The following SPAG17 variants were observed in gnomAD, a reference collection of about 807,000 sequenced individuals.
SPAG17 encodes sperm-associated antigen 17.
SPAG17 carries 169 observed loss-of-function variants against 273.6 expected under a neutral mutation model. That is an observed-to-expected ratio of 0.62 (90% CI 0.55 to 0.70). SPAG17 has a LOEUF of 0.70. Among genes scored for constraint, SPAG17 ranks in the 30% least tolerant of loss-of-function variants. The pLI, the probability that SPAG17 is intolerant of heterozygous loss-of-function variation, is 0.00. For synonymous variants in SPAG17, 825 were observed against 873.2 expected (o/e 0.94, Z 0.97); for missense variants, 2,557 against 2,627.8 (o/e 0.97, Z 0.59).
intron 22 of SPAG17, 65 bp from the exon 23 acceptor site, chr1:118,039,509 A>G: frequency 6.6e-7 from 1 of 1,505,518 alleles, no homozygotes. Flanking sequence ...CCTCGACAAG[A>G]TGGTTACACA....
intron 1 of SPAG17, among the ~76,000 whole-genome samples, chr1:118,168,275 C>A (rs1660263549): frequency 1.3e-5 from 2 of 151,774 alleles, no homozygotes; most frequent in African/African-American, 4.8e-5. Flanking sequence ...GACTACTCTG[C>A]AAAGAATAGG....
At chr1:118,093,900 T>C (rs376556224) in intron 7 of SPAG17, among the ~76,000 whole-genome samples, 15 of 152,356 alleles carry the variant, frequency 9.8e-5, no homozygotes, top group African/African-American at 3.4e-4. Flanking sequence ...ATTGCTTCTA[T>C]AATACCCACA....
chr1:117,956,417 C>G (rs1360109940), intron 48 of SPAG17, among the ~76,000 whole-genome samples: 2 of 152,086 alleles, frequency 1.3e-5, no homozygotes, highest in Non-Finnish European at 2.9e-5. Context: ...ATATTCCTTA[C>G]AAGAAACAAC....
chr1:118,066,628 T>C lies in SPAG17; in HGVS notation c.2540+117A>G, dbSNP rs1571393934. 1.9e-5 allele frequency: 15 copies of C among 790,134 alleles called. No homozygotes were observed. The East Asian group carries it at 3.9e-4, about 21-fold the overall frequency. The allele number at this position is 790,134 out of a possible 1,614,324, so 48.9% of individuals were successfully genotyped here. A position where few individuals can be genotyped will look rare whatever the true frequency, so the allele number is the denominator to read the frequency against. ...TTGAATCTATAGTACTACACAAATGTTTTCATTGAGCTGAACCCCCTAGCT... is the reference window on the plus strand; with the variant it reads ...TTGAATCTATAGTACTACACAAATGCTTTCATTGAGCTGAACCCCCTAGCT... On this transcript the variant is annotated intron_variant, in intron 18 of 48. Coordinates refer to ENST00000336338, the MANE Select transcript of SPAG17 (RefSeq NM_206996.4).
At chr1:117,959,271 A>G in intron 48 of SPAG17, 1 of 1,595,266 alleles carries the variant, frequency 6.3e-7, no homozygotes. Context: ...ATTTTTTAAT[A>G]TTTCTTGTAT....
chr1:118,154,194 T>A (rs1249472887), intron 1 of SPAG17, among the ~76,000 whole-genome samples: 2 of 152,022 alleles, frequency 1.3e-5, no homozygotes, highest in African/African-American at 4.8e-5. Context: ...GTCTTAAGAG[T>A]CGAGCTCTGT....
intron 43 of SPAG17, among the ~76,000 whole-genome samples, chr1:117,978,998 G>C (rs968007085): frequency 5.9e-5 from 9 of 152,066 alleles, no homozygotes; most frequent in African/African-American, 2.2e-4. Flanking sequence ...CTCCTGAGTA[G>C]CTGGGATTAC....
chr1:117,974,713 G>A (rs535603071), intron 43 of SPAG17, among the ~76,000 whole-genome samples: 16 of 152,296 alleles, frequency 1.1e-4, no homozygotes, highest in Non-Finnish European at 2.2e-4. Flanking sequence ...TGCAGCAGTA[G>A]CTGTGTGTCT....
intron 1 of SPAG17, among the ~76,000 whole-genome samples, chr1:118,177,078 A>G (rs1660729173): frequency 6.6e-6 from 1 of 152,210 alleles, no homozygotes; most frequent in Non-Finnish European, 1.5e-5. Flanking sequence ...ATTGGAATAC[A>G]CTTGTATCCA....
At chr1:117,967,495 CTCA>C (rs1171342975) in intron 46 of SPAG17, among the ~76,000 whole-genome samples, 1 of 152,040 alleles carries the variant, frequency 6.6e-6, no homozygotes, top group Non-Finnish European at 1.5e-5. Context: ...GCAAAAAAAT[CTCA>C]TCATGTTTTA....
At chr1:117,957,131 T>A in intron 48 of SPAG17, 1 of 1,612,828 alleles carries the variant, frequency 6.2e-7, no homozygotes, top group African/African-American at 1.3e-5. Flanking sequence ...TTAAACTCTT[T>A]AACGAATTCA....
chr1:118,150,983 T>C lies in SPAG17; in HGVS notation c.228+246A>G, dbSNP rs148070417. Among the ~76,000 whole-genome samples, 332 of 152,328 alleles carry C rather than the reference T, an allele frequency of 2.2e-3. 2 individuals carry two copies. The highest frequency in any genetic ancestry group is 7.6e-3 in the African/African-American group (314 of 41,582). On this transcript the variant is annotated intron_variant, in intron 2 of 48. Transcript: ENST00000336338. ...AAATATTTTGTCACAGAACCTAGCATGGTGCCTGGTATGACCTCAGAAATC... is the reference window on the plus strand; with the variant it reads ...AAATATTTTGTCACAGAACCTAGCACGGTGCCTGGTATGACCTCAGAAATC...
chr1:118,167,938 C>T (rs1039662117), intron 1 of SPAG17, among the ~76,000 whole-genome samples: 1 of 152,178 alleles, frequency 6.6e-6, no homozygotes, highest in African/African-American at 2.4e-5. Context: ...TGGCATCTCT[C>T]CGCTCACTCT....
intron 24 of SPAG17, among the ~76,000 whole-genome samples, chr1:118,034,483 C>A (rs559020844): frequency 6.6e-6 from 1 of 152,182 alleles, no homozygotes; most frequent in Non-Finnish European, 1.5e-5. Context: ...ATAGGCAATT[C>A]TCACTCACCT....
chr1:118,101,878 ATTTTGCT>A lies in SPAG17; in HGVS notation c.489_495del (p.Lys163AsnfsTer28). ...CTTGGAGCCTTTTTCTCCTTGGGAG[ATTTTGCT>A]TTCCCTTTATCCTTTTCTAACTTAG... On this transcript the variant is annotated frameshift_variant, in exon 5 of 49. Coordinates refer to ENST00000336338, the MANE Select transcript of SPAG17 (RefSeq NM_206996.4). LOFTEE classifies it high-confidence loss of function. 1 of 1,612,872 alleles carries A rather than the reference ATTTTGCT, an allele frequency of 6.2e-7. No individual in the cohort carries two copies. Among genetic ancestry groups the A allele is most frequent in the Non-Finnish European group, 8.5e-7 (1 of 1,179,678 alleles).
rs1651095585 is a variant in SPAG17, at chr1:118,052,022, A to G, written c.2814+1980T>C. On this transcript the variant is annotated intron_variant, in intron 20 of 48. Transcript: ENST00000336338. ...ATATACACAAAATACATAATATATA[A>G]TAGTATTATATAATAGTATATATAG... Among the ~76,000 whole-genome samples, 3 of 139,708 alleles carry G rather than the reference A, an allele frequency of 2.1e-5. 1 individual carries two copies. The East Asian group carries it at 7.1e-4, about 33-fold the overall frequency. The allele number at this position is 139,708 out of a possible 152,430, so 91.7% of individuals were successfully genotyped here.
chr1:117,988,516 A>G (rs1656700317), intron 38 of SPAG17, among the ~76,000 whole-genome samples: 1 of 152,212 alleles, frequency 6.6e-6, no homozygotes, highest in South Asian at 2.1e-4. Context: ...CAAACCTTAA[A>G]ACAAATTAAC....
chr1:118,005,690 C>A, intron 31 of SPAG17, 88 bp from the exon 32 acceptor site: 1 of 923,976 alleles, frequency 1.1e-6, no homozygotes, highest in Non-Finnish European at 1.5e-6. Context: ...GAAAGAATAC[C>A]CATAGATCCT....
intron 20 of SPAG17, among the ~76,000 whole-genome samples, chr1:118,047,404 A>G (rs1160487593): frequency 6.6e-6 from 1 of 152,166 alleles, no homozygotes; most frequent in Non-Finnish European, 1.5e-5. Context: ...TCACCCCTCC[A>G]TGCCTGCCCC....
Sources: gnomAD v4.1 joint callset for allele counts (sites outside exome capture counted in the v4.1 genomes callset) on GRCh38, gnomAD v4.1.1 for gene constraint, MANE v1.5 for transcripts, NCBI Gene and HGNC (gene_info 2026-07-23, HGNC 2026-07-21) for gene names.